The following UNC13C variants were observed in gnomAD, a reference collection of about 807,000 sequenced individuals.
The protein encoded by UNC13C is protein unc-13 homolog C.
Under a neutral mutation model 245.4 loss-of-function variants are expected in UNC13C, and 174 were observed. The ratio of observed to expected loss-of-function variants is 0.71; its 90% CI spans 0.63 to 0.80. UNC13C has a LOEUF of 0.80. Among genes scored for constraint, UNC13C ranks in the 30% least tolerant of loss-of-function variants. The probability of loss-of-function intolerance (pLI) is 0.00; values close to 1 mark genes in which losing one functional copy is unlikely to be tolerated. For synonymous variants in UNC13C, 992 were observed against 895.1 expected (o/e 1.11, Z -1.93); for missense variants, 2,829 against 2,602.9 (o/e 1.09, Z -1.89).
the UNC13C span, among the ~76,000 whole-genome samples, chr15:53,923,596 G>A: frequency 6.6e-6 from 1 of 152,200 alleles, no homozygotes; most frequent in African/African-American, 2.4e-5. Context: ...AATATTAGCT[G>A]TCTCTACAGA....
chr15:54,480,372 A>G (rs1254091303), intron 19 of UNC13C, among the ~76,000 whole-genome samples: 2 of 149,766 alleles, frequency 1.3e-5, no homozygotes, highest in African/African-American at 4.9e-5. Flanking sequence ...GTCACTTTAT[A>G]ATGTTTCATG....
At chr15:54,250,051 A>G (rs1596082609) in intron 7 of UNC13C, among the ~76,000 whole-genome samples, 174 bp from the exon 8 acceptor site, 1 of 152,140 alleles carries the variant, frequency 6.6e-6, no homozygotes, top group South Asian at 2.1e-4. Context: ...CATTGAGAGA[A>G]GAATAGGTTA....
chr15:54,127,998 G>C (rs911536104), intron 2 of UNC13C, among the ~76,000 whole-genome samples: 8 of 151,886 alleles, frequency 5.3e-5, no homozygotes, highest in Admixed American at 2.0e-4. Context: ...CTGAAGATAC[G>C]ATTCTATACC....
intron 19 of UNC13C, among the ~76,000 whole-genome samples, chr15:54,470,311 TAGAATATGTATTAGTTCTTCTTGAA>T (rs71105812): frequency 0.41 from 61,846 of 150,880 alleles, 12,886 homozygotes; most frequent in East Asian, 0.62. Context: ...AGGGTTTGAG[TAGAATATGTATTAGTTCTTCTTGAA>T]ATGTTTGGTA....
intron 28 of UNC13C, among the ~76,000 whole-genome samples, chr15:54,554,107 T>C (rs186377802): frequency 4.3e-4 from 65 of 152,132 alleles, no homozygotes; most frequent in African/African-American, 1.5e-3. Flanking sequence ...AATGATTCTA[T>C]TGGAGCATAT....
At chr15:54,577,175 T>C (rs1022548137) in intron 30 of UNC13C, among the ~76,000 whole-genome samples, 3 of 150,328 alleles carry the variant, frequency 2.0e-5, no homozygotes, top group African/African-American at 7.4e-5. Flanking sequence ...CAAAGGGGCA[T>C]ATAAAATTAG....
the UNC13C span, among the ~76,000 whole-genome samples, chr15:53,972,403 T>C: frequency 6.6e-6 from 1 of 152,326 alleles, no homozygotes; most frequent in Middle Eastern, 3.4e-3. Context: ...TGTCCAATCA[T>C]ATTAAATAAA....
At chr15:54,447,434 T>C (rs1267434007) in intron 19 of UNC13C, among the ~76,000 whole-genome samples, 1 of 152,142 alleles carries the variant, frequency 6.6e-6, no homozygotes, top group Non-Finnish European at 1.5e-5. Flanking sequence ...CTATTAATTA[T>C]TGCCTCAATT....
chr15:54,440,904 T>C (rs1890491033), intron 19 of UNC13C, among the ~76,000 whole-genome samples: 1 of 152,098 alleles, frequency 6.6e-6, no homozygotes, highest in Non-Finnish European at 1.5e-5. Flanking sequence ...ATTTCCCTGA[T>C]GATTAGTGAT....
chr15:54,224,981 T>C (rs534945297), intron 4 of UNC13C, among the ~76,000 whole-genome samples: 1 of 152,178 alleles, frequency 6.6e-6, no homozygotes, highest in East Asian at 1.9e-4. Flanking sequence ...ATCTGTAGTA[T>C]TGTTTGCAAT....
At chr15:54,262,191 C>T (rs2036443899) in intron 8 of UNC13C, among the ~76,000 whole-genome samples, 1 of 152,154 alleles carries the variant, frequency 6.6e-6, no homozygotes, top group African/African-American at 2.4e-5. Context: ...TAGATGGGCT[C>T]TTCCTGAATT....
In UNC13C at chr15:54,086,305, C is replaced by T. The variant is rs77579879; in HGVS notation, c.2984-56713C>T. ...TTTTGCATTCCAGTTTTAAGAGACT[C>T]GGAGTGGAGAAAGATATGGGAATAC... On this transcript the variant is annotated intron_variant, in intron 2 of 32. Transcript: ENST00000260323. Among the ~76,000 whole-genome samples, 72 of 152,214 alleles carry T rather than the reference C, an allele frequency of 4.7e-4. No individual in the cohort carries two copies. In the East Asian group the frequency reaches 0.012, roughly 26 times the overall value.
At chr15:53,909,806 T>A in the UNC13C span, among the ~76,000 whole-genome samples, 1 of 146,366 alleles carries the variant, frequency 6.8e-6, no homozygotes, top group Non-Finnish European at 1.5e-5. Flanking sequence ...TCATGTTGAG[T>A]TTATCCATCA....
chr15:53,843,825 G>A, the UNC13C span, among the ~76,000 whole-genome samples: 4 of 152,166 alleles, frequency 2.6e-5, no homozygotes, highest in African/African-American at 4.8e-5. Flanking sequence ...TCACTAGTGA[G>A]AGGAAGTCCA....
the UNC13C span, among the ~76,000 whole-genome samples, chr15:53,906,987 C>T: frequency 6.6e-6 from 1 of 152,044 alleles, no homozygotes; most frequent in Non-Finnish European, 1.5e-5. Flanking sequence ...CCAACCACCC[C>T]CCTCTCTCGA....
chr15:54,540,630 CT>C, intron 26 of UNC13C, among the ~76,000 whole-genome samples: 1 of 152,168 alleles, frequency 6.6e-6, no homozygotes, highest in Admixed American at 6.6e-5. Context: ...AATGTATAAG[CT>C]CTTTTTGTCT....
chr15:53,953,370 C>A, the UNC13C span, among the ~76,000 whole-genome samples: 1 of 152,182 alleles, frequency 6.6e-6, no homozygotes, highest in African/African-American at 2.4e-5. Context: ...CCAGGTGTTT[C>A]TCCTCAGGAG....
the UNC13C span, among the ~76,000 whole-genome samples, chr15:53,939,480 C>T: frequency 6.6e-6 from 1 of 152,150 alleles, no homozygotes; most frequent in East Asian, 1.9e-4. Context: ...CTCCCTAACT[C>T]TTTCTATGAG....
At chr15:54,463,446 C>T (rs915292938) in intron 19 of UNC13C, among the ~76,000 whole-genome samples, 6 of 151,746 alleles carry the variant, frequency 4.0e-5, no homozygotes, top group Admixed American at 2.0e-4. Flanking sequence ...TAACACTCAC[C>T]GCGAAGCTCT....
Sources: gnomAD v4.1 joint callset for allele counts (sites outside exome capture counted in the v4.1 genomes callset) on GRCh38, gnomAD v4.1.1 for gene constraint, MANE v1.5 for transcripts, NCBI Gene and HGNC (gene_info 2026-07-23, HGNC 2026-07-21) for gene names.